SAAL1: variants seen among roughly 807,000 people sequenced by gnomAD.
The protein encoded by SAAL1 is serum amyloid A like 1.
A neutral mutation model predicts 59.8 loss-of-function variants in SAAL1; 42 were observed. That is an observed-to-expected ratio of 0.70 (90% CI 0.55 to 0.91). SAAL1 has a LOEUF of 0.91. Among genes scored for constraint, SAAL1 ranks in the 40% least tolerant of loss-of-function variants. The pLI is 0.00. For missense variants in SAAL1, 542 were observed against 561.1 expected (o/e 0.97, Z 0.34); for synonymous variants, 191 against 194.3 (o/e 0.98, Z 0.14).
At chr11:18,086,546 C>T (rs1848465538) in intron 9 of SAAL1, among the ~76,000 whole-genome samples, 1 of 151,800 alleles carries the variant, frequency 6.6e-6, no homozygotes, top group Admixed American at 6.6e-5. Flanking sequence ...TGAAAAAATA[C>T]AAAAATTAGC....
chr11:18,085,206 A>T (rs1848450761), intron 9 of SAAL1, among the ~76,000 whole-genome samples: 1 of 152,234 alleles, frequency 6.6e-6, no homozygotes, highest in South Asian at 2.1e-4. Flanking sequence ...CAGAAAGACA[A>T]GAAGAATAAA....
At chr11:18,089,861 G>A in intron 6 of SAAL1, among the ~76,000 whole-genome samples, 1 of 152,182 alleles carries the variant, frequency 6.6e-6, no homozygotes, top group Non-Finnish European at 1.5e-5. Context: ...ACCAGCCTGG[G>A]CAAGAAAGCG....
At chr11:18,082,218 C>T (rs1271347224) in intron 10 of SAAL1, among the ~76,000 whole-genome samples, 2 of 151,808 alleles carry the variant, frequency 1.3e-5, no homozygotes, top group Non-Finnish European at 2.9e-5. Context: ...AAAATACATG[C>T]GATAAATATG....
chr11:18,097,087 A>AT (rs1323607614), intron 2 of SAAL1, among the ~76,000 whole-genome samples: 1 of 151,980 alleles, frequency 6.6e-6, no homozygotes, highest in Non-Finnish European at 1.5e-5. Context: ...ATACAAAAAA[A>AT]TTAGCCGGGC....
At chr11:18,105,492 TA>T (rs988981486) in intron 1 of SAAL1, among the ~76,000 whole-genome samples, 1 of 152,062 alleles carries the variant, frequency 6.6e-6, no homozygotes, top group African/African-American at 2.4e-5. Flanking sequence ...GTTTTTAATA[TA>T]AAAGTTGTAT....
Position 18,086,814 on chromosome 11 carries a change from G to C in SAAL1, c.1042+52C>G, listed in dbSNP as rs765659056. The C allele has an allele frequency of 4.7e-5, 58 of 1,232,882 alleles. No individual in the cohort carries two copies. In the South Asian group the frequency reaches 5.2e-4, roughly 11 times the overall value. The allele number at this position is 1,232,882 out of a possible 1,614,324, so 76.4% of individuals were successfully genotyped here. On this transcript the variant is annotated intron_variant, in intron 9 of 11. Transcript: ENST00000524803. ...AGGGAAATGAAAGCATTTTTTAAAA[G>C]GGAGAAATAAATGAAATGAAAAACA...
chr11:18,084,495 T>C (rs983585472), intron 9 of SAAL1, among the ~76,000 whole-genome samples: 2 of 152,190 alleles, frequency 1.3e-5, no homozygotes, highest in Non-Finnish European at 2.9e-5. Flanking sequence ...CCCAGCCATA[T>C]GGGATCTCAC....
chr11:18,092,395 C>G, intron 3 of SAAL1, 71 bp from the exon 4 acceptor site: 1 of 1,034,612 alleles, frequency 9.7e-7, no homozygotes. Context: ...TCAACTTGAA[C>G]AAAAACTTTC....
In SAAL1 at chr11:18,096,805, C is replaced by A. The variant is rs776468879; in HGVS notation, c.299G>T (p.Gly100Val). The part of the protein sequence containing the change: ...QEFNAPDIFM[G>V]VLAKSKCPRL... ...AGGACACTTGGACTTGGCCAGTACT[C>A]CCATGAATATATCAGGAGCATTAAA... Residue 100 changes from glycine to valine, a missense_variant, in exon 3 of 12, where the codon GGA (glycine) becomes GTA (valine). By Grantham distance (109) the Gly-to-Val change is moderately radical. Transcript: ENST00000524803. 5 of 1,587,928 alleles carry A rather than the reference C, an allele frequency of 3.1e-6. No homozygotes were observed. Among genetic ancestry groups the A allele is most frequent in the Non-Finnish European group, 4.3e-6 (5 of 1,162,630 alleles).
At position 18,080,497 on chromosome 11, in the gene SAAL1, A is replaced by G; in HGVS notation, c.1333-6T>C. 1 of 1,567,184 alleles carries G rather than the reference A, an allele frequency of 6.4e-7. No individual in the cohort carries two copies. The highest frequency in any genetic ancestry group is 8.6e-7 in the Non-Finnish European group (1 of 1,159,972). ...ATTTTAATAAAATCTTCCACCTGTG[A>G]GTCAAACAAACAAACAAAAATCAAA... On this transcript the variant is annotated splice_region_variant and splice_polypyrimidine_tract_variant and intron_variant, in intron 11 of 11. Transcript: ENST00000524803.
chr11:18,092,331 A>T lies in SAAL1; in HGVS notation c.334-7T>A. On this transcript the variant is annotated splice_region_variant and splice_polypyrimidine_tract_variant and intron_variant, in intron 3 of 11. Transcript: ENST00000524803. Reference sequence around the variant, plus strand: ...AAATTCCCACACAGATTTCCTGCCAAATCAAATTTTACAAGTCACAATGGC... The same window carrying T: ...AAATTCCCACACAGATTTCCTGCCATATCAAATTTTACAAGTCACAATGGC... 1 of 1,571,750 alleles carries T rather than the reference A, an allele frequency of 6.4e-7. No individual in the cohort carries two copies. Among genetic ancestry groups the T allele is most frequent in the South Asian group, 1.1e-5 (1 of 89,956 alleles).
At chr11:18,100,663 T>C (rs1848624844) in intron 2 of SAAL1, among the ~76,000 whole-genome samples, 1 of 152,204 alleles carries the variant, frequency 6.6e-6, no homozygotes, top group Admixed American at 6.5e-5. Context: ...TTAGGGAAAA[T>C]TCTATAGTGC....
chr11:18,091,509 C>T (rs998051816), intron 4 of SAAL1, among the ~76,000 whole-genome samples: 2 of 152,096 alleles, frequency 1.3e-5, no homozygotes, highest in Non-Finnish European at 2.9e-5. Context: ...TCTGAGAAAC[C>T]CAGGTACTTG....
chr11:18,092,420 T>C, intron 3 of SAAL1, 96 bp from the exon 4 acceptor site: 1 of 794,582 alleles, frequency 1.3e-6, no homozygotes, highest in Non-Finnish European at 2.2e-6. Context: ...AGCCAAGTTT[T>C]GGGGCAAGGC....
intron 9 of SAAL1, among the ~76,000 whole-genome samples, chr11:18,085,010 C>T (rs759661953): frequency 6.6e-6 from 1 of 152,184 alleles, no homozygotes; most frequent in Non-Finnish European, 1.5e-5. Flanking sequence ...AGGTAATCTG[C>T]CCGCCTCAGC....
At chr11:18,105,777 C>T (rs962843016) in intron 1 of SAAL1, 130 bp downstream of exon 1, 34 of 1,217,614 alleles carry the variant, frequency 2.8e-5, no homozygotes, top group Non-Finnish European at 3.5e-5. Flanking sequence ...GGAGCAAGGT[C>T]CCGCAGCGCA....
At chr11:18,087,995 A>G (rs1320768383) in intron 7 of SAAL1, among the ~76,000 whole-genome samples, 1 of 152,208 alleles carries the variant, frequency 6.6e-6, no homozygotes, top group Non-Finnish European at 1.5e-5. Context: ...AAGGAGACTT[A>G]GTTTGCAGGG....
chr11:18,089,788 C>T (rs1480045318), intron 6 of SAAL1, among the ~76,000 whole-genome samples: 1 of 152,188 alleles, frequency 6.6e-6, no homozygotes, highest in Non-Finnish European at 1.5e-5. Flanking sequence ...GTGGCTTACA[C>T]CTATACTCCC....
chr11:18,097,665 C>T (rs948831850), intron 2 of SAAL1, among the ~76,000 whole-genome samples: 1 of 151,554 alleles, frequency 6.6e-6, no homozygotes, highest in Non-Finnish European at 1.5e-5. Context: ...ATAGTGAAAA[C>T]CCATATCCAC....
Sources: gnomAD v4.1 joint callset for allele counts (sites outside exome capture counted in the v4.1 genomes callset) on GRCh38, gnomAD v4.1.1 for gene constraint, MANE v1.5 for transcripts, NCBI Gene and HGNC (gene_info 2026-07-23, HGNC 2026-07-21) for gene names.